FLT3: variants seen among roughly 807,000 people sequenced by gnomAD.
FLT3 encodes the protein fms related receptor tyrosine kinase 3.
Under a neutral mutation model 126.6 loss-of-function variants are expected in FLT3, and 46 were observed. That is an observed-to-expected ratio of 0.36 (90% CI 0.29 to 0.46). The LOEUF (loss-of-function observed/expected upper bound fraction) is 0.46. Ranked by LOEUF, FLT3 falls within the 20% of genes least tolerant of loss-of-function variation. The pLI, the probability that FLT3 is intolerant of heterozygous loss-of-function variation, is 1.00. For missense variants in FLT3, 1,069 were observed against 1,190.3 expected (o/e 0.90, Z 1.50); for synonymous variants, 404 against 434.4 (o/e 0.93, Z 0.87).
chr13:28,072,016 C>T (rs1877562573), intron 1 of FLT3, among the ~76,000 whole-genome samples: 1 of 151,944 alleles, frequency 6.6e-6, no homozygotes, highest in Admixed American at 6.6e-5. Flanking sequence ...TTCTCCTTCT[C>T]CACCCTCTTT....
intron 1 of FLT3, among the ~76,000 whole-genome samples, chr13:28,079,279 C>T (rs183196812): frequency 6.6e-6 from 1 of 152,278 alleles, no homozygotes; most frequent in Non-Finnish European, 1.5e-5. Flanking sequence ...CAACAAGTTC[C>T]TCATCTCCAT....
rs371173567 is a variant in FLT3, at chr13:28,004,290, TTTTG to T, written c.2860-120_2860-117del. 5,848 of 1,127,138 alleles carry T rather than the reference TTTTG, an allele frequency of 5.2e-3. 25 individuals carry two copies. Among genetic ancestry groups the T allele is most frequent in the Non-Finnish European group, 5.7e-3 (4,585 of 798,386 alleles). 69.8% of individuals were successfully genotyped at this position (1,127,138 alleles called of 1,614,324 possible). On this transcript the variant is annotated intron_variant, in intron 23 of 23. Transcript: ENST00000241453. ...AGTTGTTCTATATAGACAATTACTT[TTTTG>T]TTTGTTTGTTGTTTGTTTGTTTATT...
chr13:28,029,041 C>T (rs141455713), intron 15 of FLT3, among the ~76,000 whole-genome samples: 98 of 152,244 alleles, frequency 6.4e-4, no homozygotes, highest in African/African-American at 2.4e-3. Flanking sequence ...CTCCGCCTCC[C>T]AAAGTGCTGG....
chr13:28,039,554 T>C (rs1382969633), intron 9 of FLT3, among the ~76,000 whole-genome samples: 1 of 150,322 alleles, frequency 6.7e-6, no homozygotes, highest in Non-Finnish European at 1.5e-5. Context: ...AAAACTTTTT[T>C]TTTTTTTTTT....
At chr13:28,039,548 C>CTT (rs10564719) in intron 9 of FLT3, among the ~76,000 whole-genome samples, 1,282 of 120,652 alleles carry the variant, frequency 0.011, 42 homozygotes, top group African/African-American at 0.036. Flanking sequence ...TGCAATAAAA[C>CTT]TTTTTTTTTT....
chr13:28,025,347 G>A (rs1276812237), intron 17 of FLT3: 4 of 446,526 alleles, frequency 9.0e-6, no homozygotes, highest in African/African-American at 2.0e-5. Context: ...AGATCTTCCC[G>A]AGAGTCCCGT....
chr13:28,041,506 GAT>G (rs1348565939), intron 9 of FLT3, among the ~76,000 whole-genome samples: 2 of 152,228 alleles, frequency 1.3e-5, no homozygotes, highest in Admixed American at 1.3e-4. Flanking sequence ...GTTTAGAAGA[GAT>G]AGCACTTGAA....
intron 11 of FLT3, 40 bp from the exon 12 acceptor site, chr13:28,035,713 G>GCA: frequency 3.8e-6 from 6 of 1,568,808 alleles, no homozygotes; most frequent in Non-Finnish European, 5.2e-6. Flanking sequence ...CAGGTGAGCT[G>GCA]TCATCAGATT....
intron 1 of FLT3, among the ~76,000 whole-genome samples, chr13:28,073,027 C>A (rs1441406472): frequency 1.3e-5 from 2 of 150,960 alleles, no homozygotes; most frequent in Non-Finnish European, 1.5e-5. Context: ...ACAACAACAA[C>A]AAATATGCTT....
rs375516435 is a variant in FLT3, at chr13:28,004,057, A to T, written c.2977T>A (p.Ser993Thr). ...CTTAAAACTAAATTGTTCCTCTACG[A>T]ATCTTCGACCTGAGCCTGCGGAGAG... ...LLSPQAQVED[S>T] Residue 993 changes from serine (S) to threonine (T), a missense_variant, in exon 24 of 24, where the codon TCG becomes ACG. Physicochemically the swap from Ser to Thr is moderately conservative, Grantham distance 58. Coordinates refer to ENST00000241453, the MANE Select transcript of FLT3 (RefSeq NM_004119.3). 39 of 1,614,020 alleles carry T rather than the reference A, an allele frequency of 2.4e-5. No individual in the cohort carries two copies. Among genetic ancestry groups the T allele is most frequent in the Non-Finnish European group, 3.1e-5 (37 of 1,180,026 alleles).
intron 2 of FLT3, among the ~76,000 whole-genome samples, chr13:28,062,743 C>CAAAAAAAAA (rs59718306): frequency 4.4e-5 from 4 of 89,984 alleles, no homozygotes; most frequent in Non-Finnish European, 8.1e-5. Flanking sequence ...AACTCTGTCT[C>CAAAAAAAAA]AAAAAAAAAA....
Position 28,050,212 on chromosome 13 carries a change from C to A in FLT3, c.625G>T (p.Glu209Ter). The change falls in exon 6 of 24, where the codon GAA becomes TAA. Residue 209 changes from glutamate to a stop codon, truncating the protein, a stop_gained. Transcript: ENST00000241453. LOFTEE classifies it high-confidence loss of function. ...CDSQGESCKEESPAVVKKEEK... is the reference protein window; with the variant it reads ...CDSQGESCKE The stretch of plus-strand genomic sequence containing the variant: ...TCCTTTTTAACAACAGCTGGACTTT[C>A]TTCTTTACAGCTGCAATTAGAAAAG... 1 of 1,613,952 alleles carries A rather than the reference C, an allele frequency of 6.2e-7. No homozygotes were observed. The highest frequency in any genetic ancestry group is 8.5e-7 in the Non-Finnish European group (1 of 1,179,894).
intron 9 of FLT3, among the ~76,000 whole-genome samples, chr13:28,042,146 AAATAATAATAATAATAATAATAAT>A (rs57260336): frequency 2.2e-5 from 3 of 134,758 alleles, no homozygotes; most frequent in Non-Finnish European, 3.1e-5. Context: ...CCTCCATCCG[AAATAATAATAATAATAATAATAAT>A]AATAATAATA....
intron 1 of FLT3, among the ~76,000 whole-genome samples, chr13:28,084,914 G>T (rs1048189431): frequency 4.7e-5 from 7 of 149,812 alleles, no homozygotes; most frequent in Non-Finnish European, 7.4e-5. Flanking sequence ...GGCGGAGCTT[G>T]CAGTGAGCCG....
At chr13:28,066,118 T>C (rs1877011978) in intron 2 of FLT3, among the ~76,000 whole-genome samples, 1 of 152,096 alleles carries the variant, frequency 6.6e-6, no homozygotes, top group South Asian at 2.1e-4. Context: ...AGTGAAGGGA[T>C]GGGAAAGAAA....
At chr13:28,095,846 C>T (rs1364812734) in intron 1 of FLT3, among the ~76,000 whole-genome samples, 4 of 151,958 alleles carry the variant, frequency 2.6e-5, no homozygotes, top group Admixed American at 6.6e-5. Flanking sequence ...TTGTTGAAGC[C>T]GAGGCATTTT....
chr13:28,091,243 A>G (rs1321469428), intron 1 of FLT3, among the ~76,000 whole-genome samples: 3 of 37,358 alleles, frequency 8.0e-5, no homozygotes, highest in African/African-American at 1.5e-4. Context: ...TTTTTTTGAG[A>G]CGGAGTCTCG....
At chr13:28,070,365 A>C (rs1385596495) in intron 2 of FLT3, 126 bp downstream of exon 2, 1 of 713,072 alleles carries the variant, frequency 1.4e-6, no homozygotes, top group Non-Finnish European at 2.4e-6. Flanking sequence ...TTGGTACCAG[A>C]TGTGAGGCCA....
At chr13:28,070,725 A>G (rs1454229857) in intron 1 of FLT3, 113 bp from the exon 2 acceptor site, 1 of 763,916 alleles carries the variant, frequency 1.3e-6, no homozygotes, top group African/African-American at 1.8e-5. Flanking sequence ...GAAATTGGCC[A>G]CTATGAAAGT....
Sources: gnomAD v4.1 joint callset for allele counts (sites outside exome capture counted in the v4.1 genomes callset) on GRCh38, gnomAD v4.1.1 for gene constraint, MANE v1.5 for transcripts, NCBI Gene and HGNC (gene_info 2026-07-23, HGNC 2026-07-21) for gene names.